Variants in PPP1R9A observed in about 807,000 individuals in gnomAD.
The protein encoded by PPP1R9A is neurabin-1.
Under a neutral mutation model 141.9 loss-of-function variants are expected in PPP1R9A, and 59 were observed. That is an observed-to-expected ratio of 0.42 (90% CI 0.34 to 0.52). The LOEUF (loss-of-function observed/expected upper bound fraction) is 0.52. PPP1R9A is among the 20% of genes least tolerant of loss of function. The pLI is 0.10. For synonymous variants in PPP1R9A, 500 were observed against 569.7 expected (o/e 0.88, Z 1.74); for missense variants, 1,444 against 1,611.9 (o/e 0.90, Z 1.78).
chr7:95,009,217 G>A (rs1024498636), intron 2 of PPP1R9A, among the ~76,000 whole-genome samples: 5 of 152,114 alleles, frequency 3.3e-5, no homozygotes, highest in African/African-American at 1.2e-4. Context: ...GAGTTAATGG[G>A]TGCAGCACAC....
intron 2 of PPP1R9A, among the ~76,000 whole-genome samples, chr7:94,955,059 C>A (rs374318122): frequency 6.6e-6 from 1 of 151,880 alleles, no homozygotes; most frequent in East Asian, 1.9e-4. Context: ...GTCATTAATA[C>A]AATTATTATT....
chr7:94,970,632 C>CTTTTT (rs565331782), intron 2 of PPP1R9A, among the ~76,000 whole-genome samples: 1 of 127,710 alleles, frequency 7.8e-6, no homozygotes, highest in Non-Finnish European at 1.7e-5. Context: ...TGCCAGCCAC[C>CTTTTT]TTTTTTTTTT....
At position 95,203,735 on chromosome 7, in the gene PPP1R9A, GT is replaced by G; in HGVS notation, c.1956+11del. 6.5e-7 allele frequency: 1 copy of G among 1,531,150 alleles called. No homozygotes were observed. The highest frequency in any genetic ancestry group is 8.8e-7 in the Non-Finnish European group (1 of 1,142,346). The allele number at this position is 1,531,150 out of a possible 1,614,324, so 94.8% of individuals were successfully genotyped here. On this transcript the variant is annotated splice_donor_region_variant and intron_variant, in intron 7 of 19. Transcript: ENST00000433360. ...AATAACAACTATTTTCTTAAGGTTT[GT>G]TTTTTGGTTTAAAGTAATGCTTACC...
chr7:95,221,440 T>C (rs1227599635), intron 7 of PPP1R9A, among the ~76,000 whole-genome samples: 6 of 152,166 alleles, frequency 3.9e-5, no homozygotes, highest in African/African-American at 1.4e-4. Flanking sequence ...TACTCTCTGT[T>C]CCTTCTGCAA....
intron 2 of PPP1R9A, among the ~76,000 whole-genome samples, chr7:94,975,230 AC>A (rs1186521465): frequency 2.6e-5 from 4 of 151,960 alleles, no homozygotes; most frequent in Non-Finnish European, 4.4e-5. Context: ...AAGGAAGTTT[AC>A]TCTAGTTTAT....
At chr7:95,037,412 GA>G (rs1808580469) in intron 2 of PPP1R9A, among the ~76,000 whole-genome samples, 1 of 152,062 alleles carries the variant, frequency 6.6e-6, no homozygotes. Context: ...ATTTTAAAAT[GA>G]AAATGTCACC....
Position 95,295,964 on chromosome 7 carries a change from C to T in PPP1R9A, c.*5661C>T, listed in dbSNP as rs970501499. On this transcript the variant is annotated 3_prime_UTR_variant, in exon 20 of 20. Coordinates refer to ENST00000433360, the MANE Select transcript of PPP1R9A (RefSeq NM_001166160.2). ...ACACCTTACTGACAAAACTGGGCAG[C>T]TGAAAATAAAAGAGAATAAATTCTA... 1.3e-5 allele frequency: 2 copies of T among 152,614 alleles called. No individual in the cohort carries two copies. The highest frequency in any genetic ancestry group is 2.9e-5 in the Non-Finnish European group (2 of 68,034). The allele number at this position is 152,614 out of a possible 1,614,324, so 9.5% of individuals were successfully genotyped here.
At position 94,911,358 on chromosome 7, in the gene PPP1R9A, A is replaced by AT; in HGVS notation, c.1245_1246insT (p.Glu416Ter). ...GATCCAGGTATAATTCAGACTGGGG[A>AT]GAGACAGGCACTGAGCAGGATGAGG... On this transcript the variant is annotated frameshift_variant, in exon 2 of 20. Transcript: ENST00000433360. LOFTEE classifies it high-confidence loss of function. 6.2e-7 allele frequency: 1 copy of AT among 1,614,128 alleles called. No homozygotes were observed. The highest frequency in any genetic ancestry group is 8.5e-7 in the Non-Finnish European group (1 of 1,179,990).
intron 2 of PPP1R9A, among the ~76,000 whole-genome samples, chr7:95,094,423 ATCCC>A (rs1817748115): frequency 6.6e-6 from 1 of 152,184 alleles, no homozygotes; most frequent in Non-Finnish European, 1.5e-5. Context: ...ACTCTACTCC[ATCCC>A]GTCTTCCAGT....
intron 2 of PPP1R9A, among the ~76,000 whole-genome samples, chr7:95,031,776 A>G (rs1467512532): frequency 6.6e-6 from 1 of 152,048 alleles, no homozygotes; most frequent in Non-Finnish European, 1.5e-5. Context: ...AAAAAAAAAA[A>G]AAAGAAAAGT....
At chr7:94,978,242 A>G (rs982766455) in intron 2 of PPP1R9A, among the ~76,000 whole-genome samples, 8 of 152,218 alleles carry the variant, frequency 5.3e-5, no homozygotes, top group Admixed American at 4.6e-4. Context: ...GGAATAATCT[A>G]GGAGAGTAAA....
chr7:94,946,242 A>G (rs1795886304), intron 2 of PPP1R9A, among the ~76,000 whole-genome samples: 1 of 152,134 alleles, frequency 6.6e-6, no homozygotes, highest in South Asian at 2.1e-4. Context: ...AAATGTGTGA[A>G]GCAACTGGTT....
intron 2 of PPP1R9A, among the ~76,000 whole-genome samples, chr7:94,981,051 G>A (rs989155787): frequency 2.0e-5 from 3 of 152,172 alleles, no homozygotes; most frequent in Non-Finnish European, 4.4e-5. Context: ...CTGTGCAGCT[G>A]TGCTAGAGAA....
chr7:95,284,237 A>G lies in PPP1R9A; in HGVS notation c.3516A>G (p.Thr1172=). Residue 1172 remains threonine (T), a synonymous_variant, in exon 17 of 20, where the codon ACA becomes ACG. Coordinates refer to ENST00000433360, the MANE Select transcript of PPP1R9A (RefSeq NM_001166160.2). ...CCAAGGTAGAAAACACATGGATTAC[A>G]AAAGCAAACAAGAGAAACCCAAATC... The part of the protein sequence containing the change: ...KGSKVENTWI[T]KANKRNPNPS... 1 of 1,568,770 alleles carries G rather than the reference A, an allele frequency of 6.4e-7. No individual in the cohort carries two copies. Among genetic ancestry groups the G allele is most frequent in the Non-Finnish European group, 8.7e-7 (1 of 1,151,978 alleles).
intron 2 of PPP1R9A, among the ~76,000 whole-genome samples, chr7:95,027,131 T>G (rs1806970605): frequency 6.6e-6 from 1 of 151,986 alleles, no homozygotes; most frequent in South Asian, 2.1e-4. Context: ...CACCGGGGTA[T>G]GAAAAAATAC....
chr7:95,120,737 T>A lies in PPP1R9A; in HGVS notation c.1554T>A (p.Ile518=), dbSNP rs1247433341. The change falls in exon 4 of 20, where the codon ATT becomes ATA. Residue 518 remains isoleucine (I), a synonymous_variant. Transcript: ENST00000433360. ...EKDEDGLGIS[I]IGMGVGADAG... is the part of the protein sequence containing the mutation. ...ATGAGGATGGTCTTGGTATAAGTATTATTGGAATGGGTGTTGGAGCAGATG... is the reference window on the plus strand; with the variant it reads ...ATGAGGATGGTCTTGGTATAAGTATAATTGGAATGGGTGTTGGAGCAGATG... 1 of 1,614,020 alleles carries A rather than the reference T, an allele frequency of 6.2e-7. No homozygotes were observed.
intron 2 of PPP1R9A, 67 bp from the exon 3 acceptor site, chr7:95,111,192 T>G: frequency 7.0e-7 from 1 of 1,423,194 alleles, no homozygotes; most frequent in Non-Finnish European, 9.5e-7. Context: ...TAAACTTACA[T>G]AGTTTTGGAT....
At chr7:95,115,866 G>A (rs529132436) in intron 3 of PPP1R9A, among the ~76,000 whole-genome samples, 1 of 147,636 alleles carries the variant, frequency 6.8e-6, no homozygotes, top group African/African-American at 2.5e-5. Context: ...GCAGTGAGCC[G>A]AGACCACACC....
chr7:95,072,779 A>G (rs1167683311), intron 2 of PPP1R9A, among the ~76,000 whole-genome samples: 1 of 103,940 alleles, frequency 9.6e-6, no homozygotes, highest in African/African-American at 4.0e-5. Flanking sequence ...TATTAAATAT[A>G]TATATTTATA....
Sources: allele counts gnomAD v4.1 joint callset (sites outside exome capture counted in the v4.1 genomes callset), GRCh38; gene constraint gnomAD v4.1.1; transcripts MANE v1.5; gene names NCBI Gene and HGNC (gene_info 2026-07-23, HGNC 2026-07-21).